Variants in AGAP1 observed in about 807,000 individuals in gnomAD.
The protein encoded by AGAP1 is arf-GAP with GTPase, ANK repeat and PH domain-containing protein 1.
Under a neutral mutation model 105.3 loss-of-function variants are expected in AGAP1, and 29 were observed. That is an observed-to-expected ratio of 0.28 (90% CI 0.21 to 0.38). AGAP1 has a LOEUF of 0.38. AGAP1 is among the 10% of genes least tolerant of loss of function. AGAP1 has a pLI of 1.00. For missense variants in AGAP1, 998 were observed against 1,165.1 expected (o/e 0.86, Z 2.09); for synonymous variants, 509 against 485.9 (o/e 1.05, Z -0.63).
intron 1 of AGAP1, among the ~76,000 whole-genome samples, chr2:235,673,213 C>G (rs975112529): frequency 6.6e-6 from 1 of 152,212 alleles, no homozygotes; most frequent in African/African-American, 2.4e-5. Flanking sequence ...ATAGGTGTCA[C>G]AACTTCTCAT....
intron 16 of AGAP1, among the ~76,000 whole-genome samples, chr2:236,102,301 G>A (rs745545587): frequency 6.2e-5 from 9 of 144,036 alleles, no homozygotes; most frequent in Non-Finnish European, 1.2e-4. Context: ...CCTGTGGTCC[G>A]AGCCACTCAG....
At chr2:235,814,604 C>T (rs543318112) in intron 9 of AGAP1, among the ~76,000 whole-genome samples, 64 of 152,264 alleles carry the variant, frequency 4.2e-4, no homozygotes, top group Middle Eastern at 3.4e-3. Context: ...TGTGTACTGA[C>T]GATCCCATCC....
In AGAP1 at chr2:235,596,567, G is replaced by T. The variant is rs74382635; in HGVS notation, c.163+101718G>T. Among the ~76,000 whole-genome samples the T allele has an allele frequency of 0.02, 3,117 of 152,308 alleles. 114 individuals are homozygous for T. The highest frequency in any genetic ancestry group is 0.07 in the African/African-American group (2,922 of 41,564). On this transcript the variant is annotated intron_variant, in intron 1 of 17. Transcript: ENST00000304032. The surrounding 1 kb of genome is among the most constrained non-coding windows in gnomAD (Gnocchi z 5.9). The stretch of plus-strand genomic sequence containing the variant: ...GTCTGGGGAAAGGCAGGCAGAGTTG[G>T]AGAGACCCTTCCCGGGTTCCTGGTT...
Position 235,714,821 on chromosome 2 carries a change from CAG to C in AGAP1, c.223-2733_223-2732del, listed in dbSNP as rs1265549295. Among the ~76,000 whole-genome samples the C allele has an allele frequency of 2.0e-5, 3 of 152,162 alleles. No homozygotes were observed. The highest frequency in any genetic ancestry group is 7.2e-5 in the African/African-American group (3 of 41,440). Reference sequence around the variant, plus strand: ...TTGTTGTTTTTGTTTTGTTTTGAGACAGAGTCTCGCTCTGTCACCCAGGCTGG... The same window carrying C: ...TTGTTGTTTTTGTTTTGTTTTGAGACAGTCTCGCTCTGTCACCCAGGCTGG... On this transcript the variant is annotated intron_variant, in intron 2 of 17. Transcript: ENST00000304032. The surrounding 1 kb of genome is among the most constrained non-coding windows in gnomAD (Gnocchi z 4.1).
At chr2:236,091,196 G>A (rs1347892689) in intron 16 of AGAP1, among the ~76,000 whole-genome samples, 1 of 152,180 alleles carries the variant, frequency 6.6e-6, no homozygotes, top group Non-Finnish European at 1.5e-5. Context: ...AGTCATCTAT[G>A]CCTGTCTCTC....
In AGAP1 at chr2:235,714,792, TTTG is replaced by T. The variant is rs1273924083; in HGVS notation, c.223-2756_223-2754del. Reference sequence around the variant, plus strand: ...TCTTATATGTTTGTTTGTTTTCTTTTTTGTTGTTGTTTTTGTTTTGTTTTGAGA... The same window carrying T: ...TCTTATATGTTTGTTTGTTTTCTTTTTTGTTGTTTTTGTTTTGTTTTGAGA... On this transcript the variant is annotated intron_variant, in intron 2 of 17. Coordinates refer to ENST00000304032, the MANE Select transcript of AGAP1 (RefSeq NM_001037131.3). The surrounding 1 kb of genome is among the most constrained non-coding windows in gnomAD (Gnocchi z 4.1). Among the ~76,000 whole-genome samples, 2 of 152,142 alleles carry T rather than the reference TTTG, an allele frequency of 1.3e-5. No homozygotes were observed. Among genetic ancestry groups the T allele is most frequent in the African/African-American group, 4.8e-5 (2 of 41,440 alleles).
chr2:235,582,494 G>A lies in AGAP1; in HGVS notation c.163+87645G>A, dbSNP rs1300715898. On this transcript the variant is annotated intron_variant, in intron 1 of 17. Coordinates refer to ENST00000304032, the MANE Select transcript of AGAP1 (RefSeq NM_001037131.3). This position sits in a 1 kb window ranked among gnomAD's most constrained non-coding sequence, Gnocchi z 4.7. Reference sequence around the variant, plus strand: ...GCATTGATGAAGCCCTCTTGAGTCAGATCGTGGGGTTGGTTGGTCATGCGT... The same window carrying A: ...GCATTGATGAAGCCCTCTTGAGTCAAATCGTGGGGTTGGTTGGTCATGCGT... 6.6e-6 allele frequency among the ~76,000 whole-genome samples: 1 copy of A among 152,222 alleles called. No homozygotes were observed. Among genetic ancestry groups the A allele is most frequent in the Non-Finnish European group, 1.5e-5 (1 of 68,040 alleles).
At chr2:235,986,058 G>A (rs551816160) in intron 13 of AGAP1, among the ~76,000 whole-genome samples, 53 of 152,242 alleles carry the variant, frequency 3.5e-4, no homozygotes, top group African/African-American at 1.2e-3. Context: ...ATTACTTTGG[G>A]CAGTATGGCC....
Position 235,777,746 on chromosome 2 carries a change from G to T in AGAP1, c.674-20013G>T, listed in dbSNP as rs1432533771. On this transcript the variant is annotated intron_variant, in intron 6 of 17. Transcript: ENST00000304032. This position sits in a 1 kb window ranked among gnomAD's most constrained non-coding sequence, Gnocchi z 5.1. ...GGTAGGCAGATGTCCTGATAAAGGT[G>T]CACGCTCAAGTGTTTGAGACGTTAA... Among the ~76,000 whole-genome samples, 2 of 152,204 alleles carry T rather than the reference G, an allele frequency of 1.3e-5. No homozygotes were observed. The highest frequency in any genetic ancestry group is 4.8e-5 in the African/African-American group (2 of 41,454).
At position 235,720,664 on chromosome 2, in the gene AGAP1, C is replaced by A; in HGVS notation, c.310+3020C>A. 1.0e-6 allele frequency: 1 copy of A among 985,424 alleles called. No individual in the cohort carries two copies. Among genetic ancestry groups the A allele is most frequent in the Non-Finnish European group, 1.2e-6 (1 of 829,916 alleles). The allele number at this position is 985,424 out of a possible 1,614,324, so 61.0% of individuals were successfully genotyped here. A position where few individuals can be genotyped will look rare whatever the true frequency, so the allele number is the denominator to read the frequency against. ...GCCTGTCCAGATAGTTCCTTGGATT[C>A]TCCCTGCGCTTCTTAATGTCTGTGC... is the stretch of plus-strand genomic sequence containing the variant. On this transcript the variant is annotated intron_variant, in intron 3 of 17. Transcript: ENST00000304032. This position sits in a 1 kb window ranked among gnomAD's most constrained non-coding sequence, Gnocchi z 5.0.
rs1299118778 is a variant in AGAP1, at chr2:235,988,784, G to A, written c.1645+20161G>A. Among the ~76,000 whole-genome samples, 1 of 152,108 alleles carries A rather than the reference G, an allele frequency of 6.6e-6. No individual in the cohort carries two copies. Among genetic ancestry groups the A allele is most frequent in the Non-Finnish European group, 1.5e-5 (1 of 68,024 alleles). On this transcript the variant is annotated intron_variant, in intron 13 of 17. Transcript: ENST00000304032. This position sits in a 1 kb window ranked among gnomAD's most constrained non-coding sequence, Gnocchi z 4.7. ...ATCGGTGATGCGCACTCATTCCCCT[G>A]CACCCACCCTTTTTTCTGTGGTCAG...
In AGAP1 at chr2:235,960,057, C is replaced by T. The variant is rs965781396; in HGVS notation, c.1484-8405C>T. On this transcript the variant is annotated intron_variant, in intron 12 of 17. Transcript: ENST00000304032. This position sits in a 1 kb window ranked among gnomAD's most constrained non-coding sequence, Gnocchi z 4.9. ...GCAGTGGGCAGAGACGCACCCTGCC[C>T]TGCCTGCAGCATGGCCTGGAAAGTC... Among the ~76,000 whole-genome samples the T allele has an allele frequency of 1.3e-5, 2 of 152,176 alleles. No individual in the cohort carries two copies. Among genetic ancestry groups the T allele is most frequent in the Non-Finnish European group, 2.9e-5 (2 of 68,032 alleles).
At position 236,014,799 on chromosome 2, in the gene AGAP1, A is replaced by T; in HGVS notation, c.1646-21762A>T. 1 of 444,518 alleles carries T rather than the reference A, an allele frequency of 2.2e-6. No individual in the cohort carries two copies. Among genetic ancestry groups the T allele is most frequent in the South Asian group, 1.6e-5 (1 of 60,862 alleles). The allele number at this position is 444,518 out of a possible 1,614,324, so 27.5% of individuals were successfully genotyped here. The stretch of plus-strand genomic sequence containing the variant: ...CCCCTCTCCCCTTTCTGCTCTCGGG[A>T]TGCAGCCAAACGCAAAGCATGGAAA... On this transcript the variant is annotated intron_variant, in intron 13 of 17. Coordinates refer to ENST00000304032, the MANE Select transcript of AGAP1 (RefSeq NM_001037131.3). This position sits in a 1 kb window ranked among gnomAD's most constrained non-coding sequence, Gnocchi z 6.3.
chr2:235,969,456 G>C (rs1044118036), intron 13 of AGAP1, among the ~76,000 whole-genome samples: 2 of 152,186 alleles, frequency 1.3e-5, no homozygotes, highest in Non-Finnish European at 2.9e-5. Context: ...AATGGTGAGA[G>C]AGTGTGGTTA....
chr2:235,511,804 G>T (rs866288463), intron 1 of AGAP1, among the ~76,000 whole-genome samples: 13 of 152,114 alleles, frequency 8.5e-5, no homozygotes, highest in Admixed American at 2.6e-4. Context: ...TTCAGTGTGC[G>T]TATTTGTGTG....
intron 9 of AGAP1, among the ~76,000 whole-genome samples, chr2:235,823,080 G>A (rs1410510038): frequency 5.3e-5 from 8 of 152,058 alleles, no homozygotes; most frequent in Non-Finnish European, 1.2e-4. Flanking sequence ...TGAAGGTTGG[G>A]AATTCTGTTA....
At chr2:235,702,511 C>G (rs10190985) in intron 1 of AGAP1, among the ~76,000 whole-genome samples, 27,455 of 152,104 alleles carry the variant, frequency 0.18, 2,799 homozygotes, top group East Asian at 0.41. Context: ...TGACCATAGT[C>G]CTTGGGCCCT....
chr2:235,998,212 T>G (rs2055900554), intron 13 of AGAP1, among the ~76,000 whole-genome samples: 1 of 152,214 alleles, frequency 6.6e-6, no homozygotes, highest in South Asian at 2.1e-4. Context: ...TTAACTGACT[T>G]ACCCTGATGC....
In AGAP1 at chr2:235,754,455, C is replaced by T. The variant is rs1953742067; in HGVS notation, c.673+3967C>T. Among the ~76,000 whole-genome samples, 1 of 151,552 alleles carries T rather than the reference C, an allele frequency of 6.6e-6. No individual in the cohort carries two copies. Among genetic ancestry groups the T allele is most frequent in the Non-Finnish European group, 1.5e-5 (1 of 67,952 alleles). On this transcript the variant is annotated intron_variant, in intron 6 of 17. Transcript: ENST00000304032. The surrounding 1 kb of genome is among the most constrained non-coding windows in gnomAD (Gnocchi z 4.6). Reference sequence around the variant, plus strand: ...AAAAAAAAAAAAATCCAGCTGCTTCCATTGCCCTGCGGAGGCCATGTTCCT... The same window carrying T: ...AAAAAAAAAAAAATCCAGCTGCTTCTATTGCCCTGCGGAGGCCATGTTCCT...
Sources: gnomAD v4.1 joint callset for allele counts (sites outside exome capture counted in the v4.1 genomes callset) on GRCh38, gnomAD v4.1.1 for gene constraint, Gnocchi (gnomAD v3.1) non-coding constraint, MANE v1.5 for transcripts, NCBI Gene and HGNC (gene_info 2026-07-23, HGNC 2026-07-21) for gene names.